ENAH: variants seen among roughly 807,000 people sequenced by gnomAD.
The protein encoded by ENAH is protein enabled homolog.
In ENAH, 23 loss-of-function variants were observed where a neutral mutation model predicts 78.7. The ratio of observed to expected loss-of-function variants is 0.29; its 90% confidence interval spans 0.21 to 0.41. The LOEUF (loss-of-function observed/expected upper bound fraction) is 0.41. Ranked by LOEUF, ENAH falls within the 10% of genes least tolerant of loss-of-function variation. The probability of loss-of-function intolerance (pLI) is 1.00; values close to 1 mark genes in which losing one functional copy is unlikely to be tolerated. For missense variants in ENAH, 544 were observed against 691.0 expected (o/e 0.79, Z 2.39); for synonymous variants, 226 against 241.0 (o/e 0.94, Z 0.58).
At chr1:225,603,058 C>T (rs1355550486) in intron 1 of ENAH, among the ~76,000 whole-genome samples, 5 of 151,146 alleles carry the variant, frequency 3.3e-5, no homozygotes, top group Admixed American at 3.3e-4. Flanking sequence ...AGCACAAAAA[C>T]AAATACCCAA....
chr1:225,579,504 A>T (rs545520773), intron 1 of ENAH, among the ~76,000 whole-genome samples: 138 of 152,328 alleles, frequency 9.1e-4, no homozygotes, highest in African/African-American at 3.0e-3. Context: ...AGTTTCCTTC[A>T]AATAGAATCT....
Position 225,508,011 on chromosome 1 carries a change from G to T in ENAH, c.1478C>A (p.Thr493Lys). 6.5e-7 allele frequency: 1 copy of T among 1,546,684 alleles called. No individual in the cohort carries two copies. Among genetic ancestry groups the T allele is most frequent in the Non-Finnish European group, 8.7e-7 (1 of 1,155,084 alleles). The stretch of plus-strand genomic sequence containing the variant: ...ATTTGTTCTTTCCCAAGGTTTTCTT[G>T]TTGGTTCTTTAAAAATAAAAAACAA... Reference protein sequence around the residue: ...KASSTSTPEPTRKPWERTNTM... With the variant: ...KASSTSTPEPKRKPWERTNTM... Residue 493 changes from threonine to lysine, a missense_variant, in exon 11 of 14, where the codon ACA (threonine) becomes AAA (lysine). By Grantham distance (78) the Thr-to-Lys change is moderately conservative. Around this residue, in one of 4 missense-constraint regions of ENAH, gnomAD observed 97 missense variants for 124.4 expected, o/e 0.78. Coordinates refer to ENST00000366843, the MANE Select transcript of ENAH (RefSeq NM_018212.6).
chr1:225,571,694 C>T (rs2096763412), intron 1 of ENAH, among the ~76,000 whole-genome samples: 2 of 152,138 alleles, frequency 1.3e-5, no homozygotes, highest in Admixed American at 1.3e-4. Flanking sequence ...GGAAGGGAGA[C>T]GGACTAGAGA....
intron 11 of ENAH, among the ~76,000 whole-genome samples, chr1:225,502,638 C>G (rs2096289926): frequency 6.6e-6 from 1 of 152,162 alleles, no homozygotes; most frequent in Non-Finnish European, 1.5e-5. Context: ...AAATTTCATT[C>G]AATAAGCACT....
chr1:225,529,958 G>A (rs2096529820), intron 4 of ENAH, among the ~76,000 whole-genome samples: 1 of 152,198 alleles, frequency 6.6e-6, no homozygotes, highest in African/African-American at 2.4e-5. Flanking sequence ...ATGAGTTGGG[G>A]CTTCCAGTGG....
Position 225,514,808 on chromosome 1 carries a change from GCCCTGGGGGA to G in ENAH, c.996_1005del (p.Pro334LeufsTer53). 1.1e-6 allele frequency: 1 copy of G among 931,824 alleles called. No homozygotes were observed. Among genetic ancestry groups the G allele is most frequent in the South Asian group, 1.6e-5 (1 of 64,488 alleles). 57.7% of individuals were successfully genotyped at this position (931,824 alleles called of 1,614,324 possible). ...GATGGGAGTGGAGGAGGTGGAGGGG[GCCCTGGGGGA>G]GGAGGGAGGGCTACTGAAGCCTGTG... On this transcript the variant is annotated frameshift_variant, in exon 7 of 14. Coordinates refer to ENST00000366843, the MANE Select transcript of ENAH (RefSeq NM_018212.6). LOFTEE classifies it high-confidence loss of function.
chr1:225,534,634 ATC>A (rs763554708), intron 3 of ENAH, among the ~76,000 whole-genome samples: 1 of 151,830 alleles, frequency 6.6e-6, no homozygotes, highest in Admixed American at 6.6e-5. Context: ...TAATAACTTT[ATC>A]TCTCTCATAA....
intron 1 of ENAH, among the ~76,000 whole-genome samples, chr1:225,648,758 C>CT (rs57529265): frequency 0.21 from 27,735 of 134,582 alleles, 2,912 homozygotes; most frequent in South Asian, 0.37. Context: ...AGATTATCTC[C>CT]TTTTTTTTTT....
At chr1:225,581,130 G>T in intron 1 of ENAH, 2 of 253,456 alleles carry the variant, frequency 7.9e-6, no homozygotes, top group Non-Finnish European at 1.2e-5. Context: ...ATCTAGAAAT[G>T]GTCACAGAAA....
At chr1:225,527,888 T>G (rs2096517675) in intron 4 of ENAH, among the ~76,000 whole-genome samples, 1 of 152,126 alleles carries the variant, frequency 6.6e-6, no homozygotes, top group Non-Finnish European at 1.5e-5. Context: ...CAGAAAATCC[T>G]AGGCAGCAAG....
At chr1:225,504,954 A>T in intron 11 of ENAH, 1 of 1,537,216 alleles carries the variant, frequency 6.5e-7, no homozygotes, top group Non-Finnish European at 9.0e-7. Flanking sequence ...CATGTTATTT[A>T]AAAGTCTCAA....
intron 10 of ENAH, among the ~76,000 whole-genome samples, chr1:225,509,993 C>T (rs1310582460): frequency 6.6e-6 from 1 of 152,194 alleles, no homozygotes; most frequent in Non-Finnish European, 1.5e-5. Flanking sequence ...CATTTCCTCC[C>T]TCTGTGACAC....
chr1:225,588,801 CAAAAAAAAAAAAAAAAAA>C (rs55962047), intron 1 of ENAH, among the ~76,000 whole-genome samples: 1 of 78,430 alleles, frequency 1.3e-5, no homozygotes, highest in Non-Finnish European at 2.5e-5. Context: ...AAGTCTGTGT[CAAAAAAAAAAAAAAAAAA>C]AAAAAAGGAA....
intron 1 of ENAH, among the ~76,000 whole-genome samples, chr1:225,586,185 C>T (rs899177560): frequency 1.5e-5 from 2 of 132,508 alleles, no homozygotes; most frequent in Admixed American, 8.8e-5. Flanking sequence ...ACCCGGAAGG[C>T]GGAGGCTGCA....
chr1:225,486,899 T>C lies in ENAH; in HGVS notation c.*10876A>G, dbSNP rs1423621331. ...ACCAAGAAGCAGAAGAATGAAGCAG[T>C]TAAAACCAGCAAAGCTGCAAAGTAG... On this transcript the variant is annotated 3_prime_UTR_variant, in exon 14 of 14. Coordinates refer to ENST00000366843, the MANE Select transcript of ENAH (RefSeq NM_018212.6). The C allele has an allele frequency of 2.0e-5, 3 of 152,656 alleles. No individual in the cohort carries two copies. The highest frequency in any genetic ancestry group is 4.4e-5 in the Non-Finnish European group (3 of 68,036). The allele number at this position is 152,656 out of a possible 1,614,324, so 9.5% of individuals were successfully genotyped here.
chr1:225,653,249 G>C (rs1046849313), upstream of ENAH: 2 of 150,944 alleles, frequency 1.3e-5, no homozygotes, highest in African/African-American at 2.4e-5. The surrounding 1 kb of genome is among the most constrained non-coding windows in gnomAD (Gnocchi z 4.3). Flanking sequence ...GAAAGGGGAG[G>C]CGGGGGGCCG....
chr1:225,623,192 G>A (rs1414778635), intron 1 of ENAH, among the ~76,000 whole-genome samples: 1 of 152,104 alleles, frequency 6.6e-6, no homozygotes, highest in Non-Finnish European at 1.5e-5. Context: ...TAAAACAAAG[G>A]TGGTTTTAAT....
At chr1:225,576,176 C>T (rs909125382) in intron 1 of ENAH, among the ~76,000 whole-genome samples, 2 of 150,814 alleles carry the variant, frequency 1.3e-5, no homozygotes, top group East Asian at 3.9e-4. Flanking sequence ...ACTTGGGAGG[C>T]TGAGGTGGGA....
At chr1:225,579,681 C>G (rs2096805483) in intron 1 of ENAH, among the ~76,000 whole-genome samples, 1 of 152,182 alleles carries the variant, frequency 6.6e-6, no homozygotes, top group Non-Finnish European at 1.5e-5. Context: ...AACTTTGTTA[C>G]TACACAATGT....
Sources: gnomAD v4.1 joint callset for allele counts (sites outside exome capture counted in the v4.1 genomes callset) on GRCh38, gnomAD v4.1.1 for gene constraint, gnomAD v4.1.1 regional missense constraint, Gnocchi (gnomAD v3.1) non-coding constraint, MANE v1.5 for transcripts, NCBI Gene and HGNC (gene_info 2026-07-23, HGNC 2026-07-21) for gene names.